TUSC3: variants seen among roughly 807,000 people sequenced by gnomAD.
The protein encoded by TUSC3 is tumor suppressor candidate 3.
Under a neutral mutation model 44.8 loss-of-function variants are expected in TUSC3, and 45 were observed. The observed-to-expected ratio is 1.00, with a 90% CI of 0.79 to 1.29. The LOEUF (loss-of-function observed/expected upper bound fraction) is 1.29. Ranked by LOEUF, TUSC3 falls within the 50% of genes most tolerant of loss-of-function variation. The probability of loss-of-function intolerance (pLI) is 0.00; values close to 1 mark genes in which losing one functional copy is unlikely to be tolerated. For missense variants in TUSC3, 519 were observed against 437.9 expected (o/e 1.19, Z -1.65); for synonymous variants, 212 against 152.9 (o/e 1.39, Z -2.85).
chr8:15,505,282 C>T (rs1801037265), intron 2 of TUSC3, among the ~76,000 whole-genome samples: 1 of 152,256 alleles, frequency 6.6e-6, no homozygotes, highest in South Asian at 2.1e-4. Context: ...TTAAACTGCA[C>T]TGTCAATTGT....
the TUSC3 span, among the ~76,000 whole-genome samples, chr8:15,844,781 T>C: frequency 6.6e-6 from 1 of 152,114 alleles, no homozygotes; most frequent in Non-Finnish European, 1.5e-5. Flanking sequence ...CCTGTGACTT[T>C]TGATAGAACT....
chr8:15,816,957 T>C, the TUSC3 span, among the ~76,000 whole-genome samples: 45 of 152,324 alleles, frequency 3.0e-4, no homozygotes, highest in African/African-American at 1.0e-3. Flanking sequence ...AAAATGTCCT[T>C]CCTTTATTTT....
chr8:15,740,809 G>A (rs1172777525), intron 7 of TUSC3, among the ~76,000 whole-genome samples: 2 of 152,108 alleles, frequency 1.3e-5, no homozygotes, highest in African/African-American at 4.8e-5. Flanking sequence ...TATTGCACAT[G>A]TACACTAGGA....
intron 1 of TUSC3, among the ~76,000 whole-genome samples, chr8:15,438,999 G>A (rs1018401338): frequency 6.6e-6 from 1 of 152,158 alleles, no homozygotes; most frequent in Non-Finnish European, 1.5e-5. Flanking sequence ...GTTGGTCGAG[G>A]CAATCTATAC....
chr8:15,689,193 G>A, intron 6 of TUSC3: 1 of 364,312 alleles, frequency 2.7e-6, no homozygotes, highest in Non-Finnish European at 5.4e-6. Flanking sequence ...AGCAGCAAGG[G>A]CTGCTAAGCA....
At chr8:15,532,428 CA>C (rs1411608994) in intron 2 of TUSC3, among the ~76,000 whole-genome samples, 1 of 151,952 alleles carries the variant, frequency 6.6e-6, no homozygotes, top group East Asian at 1.9e-4. Flanking sequence ...GTTTATTTGC[CA>C]AAAGTTAAGA....
intron 1 of TUSC3, among the ~76,000 whole-genome samples, chr8:15,555,274 TA>T: frequency 1.0e-5 from 1 of 97,748 alleles, no homozygotes; most frequent in African/African-American, 3.7e-5. Context: ...CATGCCAGGC[TA>T]ATTTTTTTTT....
At chr8:15,508,740 C>G (rs992797451) in intron 2 of TUSC3, among the ~76,000 whole-genome samples, 1 of 151,908 alleles carries the variant, frequency 6.6e-6, no homozygotes, top group Non-Finnish European at 1.5e-5. Flanking sequence ...GGATTACAGG[C>G]GTAAGCCACC....
chr8:15,551,882 T>C (rs1802073472), intron 1 of TUSC3, among the ~76,000 whole-genome samples: 1 of 151,786 alleles, frequency 6.6e-6, no homozygotes, highest in African/African-American at 2.4e-5. Context: ...TTTGTATACA[T>C]AGTTCATAAT....
At chr8:15,830,622 G>C in the TUSC3 span, among the ~76,000 whole-genome samples, 1 of 152,100 alleles carries the variant, frequency 6.6e-6, no homozygotes, top group South Asian at 2.1e-4. Context: ...CACAGGTAGA[G>C]GTGGAGGCCC....
intron 2 of TUSC3, among the ~76,000 whole-genome samples, chr8:15,647,189 C>T (rs1019586302): frequency 5.3e-5 from 8 of 152,094 alleles, no homozygotes; most frequent in Non-Finnish European, 8.8e-5. Context: ...GAATAAACAG[C>T]ATTTACATTA....
At chr8:15,817,426 T>C in the TUSC3 span, among the ~76,000 whole-genome samples, 2 of 151,840 alleles carry the variant, frequency 1.3e-5, no homozygotes, top group African/African-American at 2.4e-5. Flanking sequence ...ATAAAACAAA[T>C]GTGGTTTGGC....
At chr8:15,576,131 CAG>C (rs1404853318) in intron 1 of TUSC3, among the ~76,000 whole-genome samples, 2 of 151,512 alleles carry the variant, frequency 1.3e-5, no homozygotes, top group African/African-American at 4.8e-5. Context: ...AGCAATGAAT[CAG>C]AGTTTTTGAA....
At chr8:15,678,237 C>T (rs1468346936) in intron 6 of TUSC3, among the ~76,000 whole-genome samples, 2 of 152,144 alleles carry the variant, frequency 1.3e-5, no homozygotes, top group Admixed American at 1.3e-4. Context: ...ACTTCTCCAG[C>T]ACTGGTGGAC....
chr8:15,643,683 C>A (rs940441157), intron 2 of TUSC3, among the ~76,000 whole-genome samples: 1 of 152,134 alleles, frequency 6.6e-6, no homozygotes, highest in Non-Finnish European at 1.5e-5. Flanking sequence ...TGGTAGTGAA[C>A]TGTTGATTTC....
chr8:15,808,473 A>T, the TUSC3 span, among the ~76,000 whole-genome samples: 486 of 152,176 alleles, frequency 3.2e-3, 5 homozygotes, highest in African/African-American at 0.011. Context: ...GGGGTTAGAA[A>T]AGTTCTCTCA....
At chr8:15,474,277 C>G (rs1181455109) in intron 1 of TUSC3, among the ~76,000 whole-genome samples, 1 of 152,102 alleles carries the variant, frequency 6.6e-6, no homozygotes, top group Non-Finnish European at 1.5e-5. Context: ...TGTTCAAACA[C>G]ACATGTTTTA....
intron 3 of TUSC3, among the ~76,000 whole-genome samples, chr8:15,654,840 T>C (rs1807083253): frequency 6.6e-6 from 1 of 152,056 alleles, no homozygotes; most frequent in African/African-American, 2.4e-5. Context: ...TAAATGGAGA[T>C]AGAGTTCAGA....
intron 6 of TUSC3, among the ~76,000 whole-genome samples, chr8:15,709,639 T>C (rs1437686355): frequency 6.6e-6 from 1 of 151,962 alleles, no homozygotes; most frequent in East Asian, 1.9e-4. Context: ...ATGATGATGA[T>C]GATAAATTAC....
Sources: gnomAD v4.1 joint callset for allele counts (sites outside exome capture counted in the v4.1 genomes callset) on GRCh38, gnomAD v4.1.1 for gene constraint, MANE v1.5 for transcripts, NCBI Gene and HGNC (gene_info 2026-07-23, HGNC 2026-07-21) for gene names.